Variants in CALD1 observed in about 807,000 individuals in gnomAD.
CALD1 encodes the protein caldesmon 1.
Under a neutral mutation model 99.9 loss-of-function variants are expected in CALD1, and 33 were observed. The ratio of observed to expected loss-of-function variants is 0.33; its 90% CI spans 0.25 to 0.44. The LOEUF is 0.44. CALD1 is among the 20% of genes least tolerant of loss of function. CALD1 has a pLI of 1.00. For missense variants in CALD1, 861 were observed against 962.1 expected, an observed-to-expected ratio of 0.89 and a Z score of 1.39; for synonymous variants, 310 against 325.0, an observed-to-expected ratio of 0.95 and a Z score of 0.50.
chr7:134,761,292 T>C (rs1176328097), intron 1 of CALD1, among the ~76,000 whole-genome samples: 1 of 152,186 alleles, frequency 6.6e-6, no homozygotes, highest in Non-Finnish European at 1.5e-5. Context: ...AAAAAAACTT[T>C]AGTGTTTTCC....
At position 134,902,087 on chromosome 7, in the gene CALD1, C is replaced by T. The variant is rs147468035; in HGVS notation, c.72-26667C>T. Reference sequence around the variant, plus strand: ...TCTAAAATTGGGCACAATCTCCACACATTGGGCACATTTCTTGCAACCTAG... The same window carrying T: ...TCTAAAATTGGGCACAATCTCCACATATTGGGCACATTTCTTGCAACCTAG... On this transcript the variant is annotated intron_variant, in intron 3 of 14. Coordinates refer to ENST00000361675, the MANE Select transcript of CALD1 (RefSeq NM_033138.4). Among the ~76,000 whole-genome samples, 65 of 152,206 alleles carry T rather than the reference C, an allele frequency of 4.3e-4. No individual in the cohort carries two copies. In the East Asian group the frequency reaches 0.01, roughly 24 times the overall value.
At chr7:134,967,053 T>C (rs921543827) in intron 14 of CALD1, among the ~76,000 whole-genome samples, 1 of 152,204 alleles carries the variant, frequency 6.6e-6, no homozygotes, top group Non-Finnish European at 1.5e-5. Flanking sequence ...AGATGTCAGC[T>C]GGCCATAGAC....
At chr7:134,841,742 G>C (rs1799659754) in intron 1 of CALD1, among the ~76,000 whole-genome samples, 1 of 152,146 alleles carries the variant, frequency 6.6e-6, no homozygotes, top group African/African-American at 2.4e-5. Flanking sequence ...TCGTTTTTTG[G>C]TAAGACCCTG....
chr7:134,834,234 A>G (rs1799342897), intron 1 of CALD1, among the ~76,000 whole-genome samples: 1 of 152,186 alleles, frequency 6.6e-6, no homozygotes, highest in South Asian at 2.1e-4. Flanking sequence ...ATCGCTTGTT[A>G]CACTTTCTCT....
intron 1 of CALD1, among the ~76,000 whole-genome samples, chr7:134,833,525 T>C (rs1304633863): frequency 6.6e-6 from 1 of 152,170 alleles, no homozygotes; most frequent in Non-Finnish European, 1.5e-5. Flanking sequence ...GAGATTCTCA[T>C]TGTCCACCTT....
intron 1 of CALD1, among the ~76,000 whole-genome samples, chr7:134,818,299 T>C (rs118147397): frequency 7.2e-5 from 11 of 152,228 alleles, no homozygotes; most frequent in Non-Finnish European, 1.0e-4. Context: ...ATATGTAGAA[T>C]AGATTTAAGA....
At chr7:134,883,722 C>T (rs1285195637) in intron 3 of CALD1, among the ~76,000 whole-genome samples, 1 of 152,186 alleles carries the variant, frequency 6.6e-6, no homozygotes, top group Non-Finnish European at 1.5e-5. Context: ...CTGATAAATA[C>T]AATTCATAAG....
At chr7:134,743,729 C>T (rs923275317), upstream of CALD1, among the ~76,000 whole-genome samples, 16 of 152,198 alleles carry the variant, frequency 1.1e-4, no homozygotes, top group African/African-American at 3.9e-4. Context: ...GTGACAGTGT[C>T]TGTAGTCTAA....
At chr7:134,870,229 G>A (rs770049755) in intron 3 of CALD1, among the ~76,000 whole-genome samples, 1 of 152,134 alleles carries the variant, frequency 6.6e-6, no homozygotes, top group Non-Finnish European at 1.5e-5. Context: ...AGGGTGTAGG[G>A]GCAGACCTGA....
chr7:134,736,657 G>A, the CALD1 span, among the ~76,000 whole-genome samples: 55 of 152,218 alleles, frequency 3.6e-4, no homozygotes, highest in Non-Finnish European at 7.1e-4. Context: ...AATACCCAGA[G>A]AACAAAGACT....
chr7:134,799,697 C>A (rs1301254054), intron 1 of CALD1, among the ~76,000 whole-genome samples: 1 of 152,068 alleles, frequency 6.6e-6, no homozygotes, highest in Non-Finnish European at 1.5e-5. Context: ...TTCGGATTGG[C>A]CTTCTGGTAT....
the CALD1 span, among the ~76,000 whole-genome samples, chr7:134,723,320 G>T: frequency 9.9e-5 from 15 of 152,104 alleles, no homozygotes; most frequent in African/African-American, 3.6e-4. Flanking sequence ...GGAAAATTCT[G>T]TCTATCTTCT....
intron 3 of CALD1, chr7:134,891,754 A>G: frequency 1.0e-6 from 1 of 962,996 alleles, no homozygotes. Context: ...GTAAAAAAAA[A>G]AAAAAAAAAA....
At position 134,796,921 on chromosome 7, in the gene CALD1, T is replaced by A. The variant is rs147045079; in HGVS notation, c.-130+17172T>A. Among the ~76,000 whole-genome samples, 93 of 152,304 alleles carry A rather than the reference T, an allele frequency of 6.1e-4. 1 individual carries two copies. The highest frequency in any genetic ancestry group is 2.2e-3 in the African/African-American group (93 of 41,578). On this transcript the variant is annotated intron_variant, in intron 1 of 14. Coordinates refer to ENST00000361675, the MANE Select transcript of CALD1 (RefSeq NM_033138.4). Reference sequence around the variant, plus strand: ...TTTAAAAGCAATATTGAGAATCATCTTGTTTGGAGAAACTCTGAAACCCTA... The same window carrying A: ...TTTAAAAGCAATATTGAGAATCATCATGTTTGGAGAAACTCTGAAACCCTA...
rs180853799 is a variant in CALD1 at position 134,895,164 on chromosome 7, G to C, written c.71+27360G>C. 4.2e-3 allele frequency among the ~76,000 whole-genome samples: 640 copies of C among 151,880 alleles called. 2 individuals carry two copies. The highest frequency in any genetic ancestry group is 8.1e-3 in the South Asian group (39 of 4,810). On this transcript the variant is annotated intron_variant, in intron 3 of 14. Transcript: ENST00000361675. ...AATTGGCACAATTTTTAAAGATTCT[G>C]CAGAAATGACAAAGGAAATAAACAT... is the stretch of plus-strand genomic sequence containing the variant.
chr7:134,723,347 G>T, the CALD1 span, among the ~76,000 whole-genome samples: 1 of 152,092 alleles, frequency 6.6e-6, no homozygotes, highest in African/African-American at 2.4e-5. Flanking sequence ...TTTAGGGTTA[G>T]TATGGCTCAG....
chr7:134,813,752 G>C (rs1323246854), intron 1 of CALD1, among the ~76,000 whole-genome samples: 1 of 152,196 alleles, frequency 6.6e-6, no homozygotes, highest in Non-Finnish European at 1.5e-5. Flanking sequence ...TAAGGACCCA[G>C]TTGACATTAC....
At chr7:134,847,850 T>C (rs1396429942) in intron 2 of CALD1, among the ~76,000 whole-genome samples, 2 of 152,296 alleles carry the variant, frequency 1.3e-5, no homozygotes, top group South Asian at 2.1e-4. Flanking sequence ...AGGCTTTTTT[T>C]CCCCATAAGC....
chr7:134,825,728 T>C (rs1326690051), intron 1 of CALD1, among the ~76,000 whole-genome samples: 1 of 152,156 alleles, frequency 6.6e-6, no homozygotes, highest in African/African-American at 2.4e-5. Context: ...TAAAAAATTG[T>C]TTTGACCCTT....
Sources: gnomAD v4.1 joint callset for allele counts (sites outside exome capture counted in the v4.1 genomes callset) on GRCh38, gnomAD v4.1.1 for gene constraint, MANE v1.5 for transcripts, NCBI Gene and HGNC (gene_info 2026-07-23, HGNC 2026-07-21) for gene names.